Variants in MARCHF1 observed in about 807,000 individuals in gnomAD.
MARCHF1 encodes membrane associated ring-CH-type finger 1.
In MARCHF1, 40 loss-of-function variants were observed where a neutral mutation model predicts 54.2. The observed-to-expected ratio is 0.74, with a 90% CI of 0.57 to 0.96. MARCHF1 has a LOEUF of 0.96. MARCHF1 is among the 40% of genes least tolerant of loss of function. MARCHF1 has a pLI of 0.00. For missense variants in MARCHF1, 586 were observed against 656.5 expected, an observed-to-expected ratio of 0.89 and a Z score of 1.17; for synonymous variants, 236 against 236.3, an observed-to-expected ratio of 1.00 and a Z score of 0.01.
intron 8 of MARCHF1, among the ~76,000 whole-genome samples, chr4:163,574,318 A>G (rs1440478497): frequency 2.0e-5 from 3 of 152,076 alleles, no homozygotes; most frequent in Admixed American, 6.6e-5. Context: ...CTTTAGTTTC[A>G]TTAGATCCCA....
At chr4:164,148,236 T>C (rs916107714) in intron 1 of MARCHF1, among the ~76,000 whole-genome samples, 11 of 151,878 alleles carry the variant, frequency 7.2e-5, no homozygotes, top group Admixed American at 6.6e-4. Context: ...CAACTACTAG[T>C]AGGGGATGTT....
At chr4:163,928,082 G>A (rs1751577001) in intron 3 of MARCHF1, among the ~76,000 whole-genome samples, 2 of 151,846 alleles carry the variant, frequency 1.3e-5, no homozygotes, top group African/African-American at 4.8e-5. Flanking sequence ...GCTTCAATTA[G>A]ATGTTCAAGC....
intron 1 of MARCHF1, among the ~76,000 whole-genome samples, chr4:164,149,657 C>T (rs1051621059): frequency 2.0e-5 from 3 of 151,978 alleles, no homozygotes; most frequent in Non-Finnish European, 4.4e-5. Flanking sequence ...TTTTTAGATT[C>T]GGGTCAGTAG....
rs1013543800 is a variant in MARCHF1, at chr4:163,525,507, A to C, written c.*3241T>G. ...CATTTTTATTTTGTTTTTGTACTTAAGCTTAATTGCCTTTTGGGCTTTACT... is the reference window on the plus strand; with the variant it reads ...CATTTTTATTTTGTTTTTGTACTTACGCTTAATTGCCTTTTGGGCTTTACT... On this transcript the variant is annotated 3_prime_UTR_variant, in exon 10 of 10. Coordinates refer to ENST00000514618, the MANE Select transcript of MARCHF1 (RefSeq NM_001394959.1). The C allele has an allele frequency of 6.6e-6, 1 of 152,072 alleles. No individual in the cohort carries two copies. The highest frequency in any genetic ancestry group is 1.5e-5 in the Non-Finnish European group (1 of 68,002). The allele number at this position is 152,072 out of a possible 1,614,324, so 9.4% of individuals were successfully genotyped here.
intron 4 of MARCHF1, among the ~76,000 whole-genome samples, chr4:163,814,324 T>C (rs1399607734): frequency 6.6e-6 from 1 of 152,160 alleles, no homozygotes; most frequent in Non-Finnish European, 1.5e-5. Flanking sequence ...AACTCTCTTT[T>C]CTCATTCCTT....
chr4:163,718,831 A>C (rs1579223110), intron 4 of MARCHF1, among the ~76,000 whole-genome samples: 1 of 152,008 alleles, frequency 6.6e-6, no homozygotes, highest in Non-Finnish European at 1.5e-5. Flanking sequence ...TTTAACTCCA[A>C]CCTCATGACT....
intron 2 of MARCHF1, among the ~76,000 whole-genome samples, chr4:164,000,161 C>G (rs1404916515): frequency 6.6e-6 from 1 of 151,608 alleles, no homozygotes; most frequent in Non-Finnish European, 1.5e-5. Context: ...TTTTTGCTAT[C>G]ATAAGTTTCT....
intron 4 of MARCHF1, among the ~76,000 whole-genome samples, chr4:163,709,154 T>A (rs1272549563): frequency 6.6e-6 from 1 of 152,210 alleles, no homozygotes; most frequent in Non-Finnish European, 1.5e-5. Flanking sequence ...TAATCCAATC[T>A]TGGCTATTAA....
chr4:163,525,929 A>G lies in MARCHF1; in HGVS notation c.*2819T>C, dbSNP rs1029876570. ...TCAACATTAGATTTTAAATGCAGGT[A>G]GTTATTTCAGATGTTTGAACCATAA... On this transcript the variant is annotated 3_prime_UTR_variant, in exon 10 of 10. Transcript: ENST00000514618. The G allele has an allele frequency of 2.6e-5, 4 of 152,124 alleles. No homozygotes were observed. The highest frequency in any genetic ancestry group is 9.7e-5 in the African/African-American group (4 of 41,440). The allele number at this position is 152,124 out of a possible 1,614,324, so 9.4% of individuals were successfully genotyped here.
chr4:164,250,048 C>T (rs1733078704), intron 1 of MARCHF1, among the ~76,000 whole-genome samples: 1 of 151,988 alleles, frequency 6.6e-6, no homozygotes, highest in African/African-American at 2.4e-5. Flanking sequence ...TGCCCAGGAG[C>T]ACAGATAGTA....
rs35127585 is a variant in MARCHF1, at chr4:163,755,621, C to CTT, written c.112-54760_112-54759dup. ...AAAGTAAACCAAAGGGCAAAGATCC[C>CTT]TTTTTTTTTTTTTTCCTGAAGGAAA... On this transcript the variant is annotated intron_variant, in intron 4 of 9. Coordinates refer to ENST00000514618, the MANE Select transcript of MARCHF1 (RefSeq NM_001394959.1). Among the ~76,000 whole-genome samples the CTT allele has an allele frequency of 1.8e-3, 263 of 144,500 alleles. 1 individual carries two copies. Among genetic ancestry groups the CTT allele is most frequent in the South Asian group, 3.8e-3 (17 of 4,526 alleles). The allele number at this position is 144,500 out of a possible 152,430, so 94.8% of individuals were successfully genotyped here. A position where few individuals can be genotyped will look rare whatever the true frequency, so the allele number is the denominator to read the frequency against.
intron 1 of MARCHF1, among the ~76,000 whole-genome samples, chr4:164,200,058 T>C (rs1467144725): frequency 6.6e-6 from 1 of 152,162 alleles, no homozygotes; most frequent in African/African-American, 2.4e-5. Context: ...ATTTAAGATA[T>C]CCCTTTCTAC....
chr4:164,179,588 A>G lies in MARCHF1; in HGVS notation c.-322-67926T>C, dbSNP rs146744245. Reference sequence around the variant, plus strand: ...TAAACCTCCCTTCAAAAAATTAATTACTTGGATTTAAAATACATACACACA... The same window carrying G: ...TAAACCTCCCTTCAAAAAATTAATTGCTTGGATTTAAAATACATACACACA... On this transcript the variant is annotated intron_variant, in intron 1 of 9. Transcript: ENST00000514618. Among the ~76,000 whole-genome samples the G allele has an allele frequency of 5.3e-3, 810 of 152,270 alleles. 28 individuals carry two copies. Among genetic ancestry groups the G allele is most frequent in the East Asian group, 0.012 (64 of 5,178 alleles).
intron 1 of MARCHF1, among the ~76,000 whole-genome samples, chr4:164,251,341 G>A (rs1370072820): frequency 2.6e-5 from 4 of 152,070 alleles, no homozygotes; most frequent in Admixed American, 1.3e-4. Flanking sequence ...TCACGAGACG[G>A]TAAGTAAGAA....
chr4:164,214,602 A>C (rs972123282), intron 1 of MARCHF1, among the ~76,000 whole-genome samples: 1 of 152,242 alleles, frequency 6.6e-6, no homozygotes, highest in Non-Finnish European at 1.5e-5. Context: ...AACAAGGTAC[A>C]TAAAATTCTG....
At chr4:164,136,712 C>G (rs1018180888) in intron 1 of MARCHF1, among the ~76,000 whole-genome samples, 1 of 152,164 alleles carries the variant, frequency 6.6e-6, no homozygotes, top group Non-Finnish European at 1.5e-5. Context: ...CTGATGCCCC[C>G]CAAGGCTGGC....
At chr4:163,686,363 G>A (rs907625110) in intron 5 of MARCHF1, among the ~76,000 whole-genome samples, 1 of 151,512 alleles carries the variant, frequency 6.6e-6, no homozygotes, top group East Asian at 2.0e-4. Flanking sequence ...TTCTTCATTG[G>A]GGTTCACATG....
At chr4:163,641,558 G>A (rs1980043) in intron 5 of MARCHF1, among the ~76,000 whole-genome samples, 1 of 152,250 alleles carries the variant, frequency 6.6e-6, no homozygotes, top group East Asian at 1.9e-4. Context: ...TCATACAGGG[G>A]TTAATACATA....
At chr4:163,890,938 G>C (rs1579369988) in intron 3 of MARCHF1, among the ~76,000 whole-genome samples, 1 of 151,998 alleles carries the variant, frequency 6.6e-6, no homozygotes, top group Non-Finnish European at 1.5e-5. Flanking sequence ...CCTAAAAAAG[G>C]CATAAATATT....
Sources: allele counts gnomAD v4.1 joint callset (sites outside exome capture counted in the v4.1 genomes callset), GRCh38; gene constraint gnomAD v4.1.1; transcripts MANE v1.5; gene names NCBI Gene and HGNC (gene_info 2026-07-23, HGNC 2026-07-21).